The following COL19A1 variants were observed in gnomAD, a reference collection of about 807,000 sequenced individuals.
The protein encoded by COL19A1 is collagen alpha-1(XIX) chain.
COL19A1 carries 159 observed loss-of-function variants against 190.2 expected under a neutral mutation model. The observed-to-expected ratio is 0.84, with a 90% CI of 0.73 to 0.95. COL19A1 has a LOEUF of 0.95. Among genes scored for constraint, COL19A1 ranks in the 40% least tolerant of loss-of-function variants. COL19A1 has a pLI of 0.00. For synonymous variants in COL19A1, 509 were observed against 458.9 expected, an observed-to-expected ratio of 1.11 and a Z score of -1.39; for missense variants, 1,418 against 1,431.9, an observed-to-expected ratio of 0.99 and a Z score of 0.16.
chr6:70,175,363 C>G (rs1322144219), intron 41 of COL19A1, among the ~76,000 whole-genome samples: 1 of 152,000 alleles, frequency 6.6e-6, no homozygotes, highest in African/African-American at 2.4e-5. Context: ...ATGACTTCTA[C>G]TTTTATTTTC....
chr6:69,990,412 G>A (rs956135572), intron 11 of COL19A1, among the ~76,000 whole-genome samples: 3 of 151,946 alleles, frequency 2.0e-5, no homozygotes, highest in African/African-American at 4.8e-5. Flanking sequence ...ATTTCCAATA[G>A]TATCATAAAA....
At chr6:70,089,467 G>C (rs1157046042) in intron 15 of COL19A1, among the ~76,000 whole-genome samples, 3 of 152,160 alleles carry the variant, frequency 2.0e-5, no homozygotes, top group Non-Finnish European at 4.4e-5. Context: ...ATATAAATGA[G>C]ACAATAAACT....
chr6:70,065,013 A>C (rs142123890), intron 14 of COL19A1, among the ~76,000 whole-genome samples: 1 of 152,172 alleles, frequency 6.6e-6, no homozygotes, highest in Non-Finnish European at 1.5e-5. Flanking sequence ...AATCAATATC[A>C]TGAAAATGGC....
At chr6:70,010,909 G>A (rs1777977427) in intron 11 of COL19A1, among the ~76,000 whole-genome samples, 2 of 89,220 alleles carry the variant, frequency 2.2e-5, no homozygotes. Flanking sequence ...TGGGGGCAGG[G>A]CACAGACAAA....
In COL19A1 at chr6:70,207,239, G is replaced by T. The variant is rs1490824679; in HGVS notation, c.3394G>T (p.Val1132Leu). The T allele has an allele frequency of 6.2e-7, 1 of 1,613,880 alleles. No homozygotes were observed. The highest frequency in any genetic ancestry group is 8.5e-7 in the Non-Finnish European group (1 of 1,179,924). ...RCNPEDCLYP[V>L]SHAHQRTGGN ...TAACCCAGAAGATTGCCTCTATCCT[G>T]TGTCTCATGCCCATCAGCGCACAGG... is the stretch of plus-strand genomic sequence containing the variant. Residue 1132 changes from valine (V) to leucine (L), a missense_variant, in exon 51 of 51, where the codon GTG becomes TTG. Physicochemically the swap from Val to Leu is conservative, Grantham distance 32 (BLOSUM62 1). Coordinates refer to ENST00000620364, the MANE Select transcript of COL19A1 (RefSeq NM_001858.6).
intron 4 of COL19A1, among the ~76,000 whole-genome samples, chr6:69,907,888 A>G (rs1322074038): frequency 1.3e-5 from 2 of 152,182 alleles, no homozygotes; most frequent in Non-Finnish European, 2.9e-5. Context: ...TACATTGATA[A>G]AAGAATGTGG....
chr6:70,029,300 A>C (rs1208436640), intron 12 of COL19A1, among the ~76,000 whole-genome samples: 1 of 152,184 alleles, frequency 6.6e-6, no homozygotes, highest in Non-Finnish European at 1.5e-5. Flanking sequence ...TAGGTACTCC[A>C]ACAAAAATTG....
At chr6:70,167,957 A>G in intron 37 of COL19A1, 68 bp from the exon 38 acceptor site, 1 of 1,179,336 alleles carries the variant, frequency 8.5e-7, no homozygotes, top group Admixed American at 2.2e-5. Flanking sequence ...ATTTGGTAAA[A>G]TGATAAAATG....
At position 70,117,598 on chromosome 6, in the gene COL19A1, A is replaced by G. The variant is rs534912428; in HGVS notation, c.1279-4282A>G. ...GTAGTTCTTTGCAGTAAGAAACGAC[A>G]TCAGGATCTCTATCCACACCAGGTT... On this transcript the variant is annotated intron_variant, in intron 16 of 50. Coordinates refer to ENST00000620364, the MANE Select transcript of COL19A1 (RefSeq NM_001858.6). Among the ~76,000 whole-genome samples, 220 of 152,318 alleles carry G rather than the reference A, an allele frequency of 1.4e-3. 1 individual carries two copies. Among genetic ancestry groups the G allele is most frequent in the African/African-American group, 5.1e-3 (211 of 41,568 alleles).
intron 11 of COL19A1, among the ~76,000 whole-genome samples, chr6:69,965,966 C>T (rs1453535744): frequency 1.3e-5 from 2 of 152,148 alleles, no homozygotes; most frequent in Non-Finnish European, 2.9e-5. Flanking sequence ...TAGATTCCTT[C>T]AGTACTATTA....
Position 70,166,022 on chromosome 6 carries a change from GTTTAC to G in COL19A1, c.2445+40_2445+44del, listed in dbSNP as rs745388362. The G allele has an allele frequency of 1.9e-6, 3 of 1,562,756 alleles. No individual in the cohort carries two copies. In the South Asian group the frequency reaches 3.3e-5, roughly 17 times the overall value. ...TAGGCTTAAAATTTAAAATTCATGTGTTTACTTAAGACTTTTATAACTCAGAGGTA... is the reference window on the plus strand; with the variant it reads ...TAGGCTTAAAATTTAAAATTCATGTGTTAAGACTTTTATAACTCAGAGGTA... On this transcript the variant is annotated intron_variant, in intron 37 of 50. Transcript: ENST00000620364.
intron 17 of COL19A1, among the ~76,000 whole-genome samples, chr6:70,122,768 A>G (rs1194374158): frequency 1.3e-5 from 2 of 152,152 alleles, no homozygotes; most frequent in Non-Finnish European, 2.9e-5. Context: ...CTCTTTGTTT[A>G]GAAATCCCAA....
intron 2 of COL19A1, chr6:69,890,227 C>T (rs1275036919): frequency 6.6e-6 from 1 of 152,228 alleles, no homozygotes; most frequent in Non-Finnish European, 1.5e-5. Flanking sequence ...CTTCACAGCC[C>T]TCACCTCTCT....
At chr6:70,127,338 G>A (rs1438544440) in intron 17 of COL19A1, among the ~76,000 whole-genome samples, 1 of 152,168 alleles carries the variant, frequency 6.6e-6, no homozygotes, top group Admixed American at 6.5e-5. Context: ...CTGATCTTAT[G>A]TAGAGAATAT....
chr6:69,945,078 G>A (rs971053427), intron 9 of COL19A1, among the ~76,000 whole-genome samples: 1 of 151,796 alleles, frequency 6.6e-6, no homozygotes. Context: ...TTCTCTCAGA[G>A]TTTTATAAAA....
rs1768823895 is a variant in COL19A1, at chr6:69,885,075, G to A, written c.91+5417G>A. Among the ~76,000 whole-genome samples the A allele has an allele frequency of 1.3e-5, 2 of 152,096 alleles. 1 individual carries two copies. Among genetic ancestry groups the A allele is most frequent in the South Asian group, 4.1e-4 (2 of 4,834 alleles). ...GATGGGGTTTCACCATGTTGGTCAGGCTGGTCTCGAACTCCTGACCTCAAA... is the reference window on the plus strand; with the variant it reads ...GATGGGGTTTCACCATGTTGGTCAGACTGGTCTCGAACTCCTGACCTCAAA... On this transcript the variant is annotated intron_variant, in intron 2 of 50. Transcript: ENST00000620364.
chr6:69,958,073 T>C (rs996384552), intron 9 of COL19A1, among the ~76,000 whole-genome samples: 1 of 152,150 alleles, frequency 6.6e-6, no homozygotes, highest in Non-Finnish European at 1.5e-5. Context: ...ATATTCTCAA[T>C]ATCACAGCTC....
At chr6:69,978,565 A>G (rs904971472) in intron 11 of COL19A1, among the ~76,000 whole-genome samples, 2 of 151,936 alleles carry the variant, frequency 1.3e-5, no homozygotes, top group African/African-American at 4.8e-5. Context: ...CTTTATATAA[A>G]ACATATGGAC....
intron 11 of COL19A1, among the ~76,000 whole-genome samples, chr6:69,986,664 G>A (rs1776333095): frequency 6.6e-6 from 1 of 152,132 alleles, no homozygotes; most frequent in Admixed American, 6.6e-5. Flanking sequence ...TATATACTTT[G>A]ACCGCAGAGT....
Sources: gnomAD v4.1 joint callset for allele counts (sites outside exome capture counted in the v4.1 genomes callset) on GRCh38, gnomAD v4.1.1 for gene constraint, MANE v1.5 for transcripts, NCBI Gene and HGNC (gene_info 2026-07-23, HGNC 2026-07-21) for gene names.